The following ZSCAN25 variants were observed in gnomAD, a reference collection of about 807,000 sequenced individuals.
ZSCAN25 encodes the protein zinc finger and SCAN domain-containing protein 25.
ZSCAN25 carries 27 observed loss-of-function variants against 38.7 expected under a neutral mutation model. The observed-to-expected ratio is 0.70, with a 90% confidence interval of 0.51 to 0.96. ZSCAN25 has a LOEUF of 0.96. Ranked by LOEUF, ZSCAN25 falls within the 40% of genes least tolerant of loss-of-function variation. The pLI, the probability that ZSCAN25 is intolerant of heterozygous loss-of-function variation, is 0.00. For missense variants in ZSCAN25, 637 were observed against 705.9 expected, an observed-to-expected ratio of 0.90 and a Z score of 1.11; for synonymous variants, 273 against 277.7, an observed-to-expected ratio of 0.98 and a Z score of 0.17.
At chr7:99,698,481 C>G in the ZSCAN25 span, among the ~76,000 whole-genome samples, 1 of 152,142 alleles carries the variant, frequency 6.6e-6, no homozygotes, top group Non-Finnish European at 1.5e-5. Flanking sequence ...TCATCACTAG[C>G]TCACAGTATT....
the ZSCAN25 span, among the ~76,000 whole-genome samples, chr7:99,735,574 C>A: frequency 1.3e-5 from 2 of 152,124 alleles, no homozygotes; most frequent in Non-Finnish European, 1.5e-5. Context: ...TGTGCCTGTG[C>A]CCCCTAGAAG....
chr7:99,682,094 G>A, the ZSCAN25 span, among the ~76,000 whole-genome samples: 1 of 152,114 alleles, frequency 6.6e-6, no homozygotes, highest in Non-Finnish European at 1.5e-5. Flanking sequence ...TCAGCCTTCT[G>A]TGTAGCTGGG....
At chr7:99,638,335 G>A in the ZSCAN25 span, 1 of 1,605,268 alleles carries the variant, frequency 6.2e-7, no homozygotes, top group Non-Finnish European at 8.5e-7. Context: ...TTCCTGTCCT[G>A]AATCCAGGTC....
At chr7:99,719,735 A>G in the ZSCAN25 span, among the ~76,000 whole-genome samples, 7 of 152,324 alleles carry the variant, frequency 4.6e-5, no homozygotes, top group Non-Finnish European at 7.4e-5. Flanking sequence ...CATCTTGATC[A>G]TGCTGGTCAT....
chr7:99,685,135 G>A, the ZSCAN25 span: 6 of 1,580,834 alleles, frequency 3.8e-6, no homozygotes, highest in Admixed American at 8.4e-5. Context: ...AGTCCTTAGG[G>A]AAATTCAGGT....
chr7:99,667,884 T>TA, the ZSCAN25 span, among the ~76,000 whole-genome samples: 1 of 152,090 alleles, frequency 6.6e-6, no homozygotes, highest in Non-Finnish European at 1.5e-5. Context: ...CAAGAAGAAC[T>TA]AAAAAATGCC....
chr7:99,730,966 G>T, the ZSCAN25 span: 1 of 1,507,538 alleles, frequency 6.6e-7, no homozygotes, highest in Non-Finnish European at 9.1e-7. Flanking sequence ...TAAAATCTCA[G>T]ACCTTCCTCT....
chr7:99,663,885 TA>T, the ZSCAN25 span: 1 of 1,465,442 alleles, frequency 6.8e-7, no homozygotes. Flanking sequence ...TTTTTAAAAA[TA>T]CAGATACATG....
At chr7:99,637,338 TTAATC>T (rs145018256), downstream of ZSCAN25, among the ~76,000 whole-genome samples, 6,268 of 152,262 alleles carry the variant, frequency 0.041, 155 homozygotes, top group Admixed American at 0.053. Context: ...CTACAAATAT[TTAATC>T]TATGTGTGGT....
At position 99,630,825 on chromosome 7, in the gene ZSCAN25, A is replaced by T. The variant is rs866101444; in HGVS notation, c.*805A>T. 4.7e-5 allele frequency: 46 copies of T among 985,314 alleles called. No individual in the cohort carries two copies. In the African/African-American group the frequency reaches 7.3e-4, roughly 16 times the overall value. 61.0% of individuals were successfully genotyped at this position (985,314 alleles called of 1,614,324 possible). ...TTAGGAAGTTAGTATTTTGCTATTG[A>T]TCACTGAATAAACATCAGAGTATTT... On this transcript the variant is annotated 3_prime_UTR_variant, in exon 8 of 8. Coordinates refer to ENST00000394152, the MANE Select transcript of ZSCAN25 (RefSeq NM_145115.3).
the ZSCAN25 span, chr7:99,660,522 T>C: frequency 6.2e-7 from 1 of 1,613,062 alleles, no homozygotes; most frequent in Non-Finnish European, 8.5e-7. Flanking sequence ...ACTGCATCAA[T>C]CTCCTTTTGC....
chr7:99,655,819 G>T, the ZSCAN25 span, among the ~76,000 whole-genome samples: 1 of 152,066 alleles, frequency 6.6e-6, no homozygotes, highest in Non-Finnish European at 1.5e-5. Context: ...GAATTCCTAG[G>T]TATTTTATTG....
the ZSCAN25 span, among the ~76,000 whole-genome samples, chr7:99,680,655 T>A: frequency 6.6e-6 from 1 of 152,308 alleles, no homozygotes; most frequent in Admixed American, 6.5e-5. Context: ...GTGAGATTGC[T>A]GGGCGTCTCA....
chr7:99,657,402 T>G, the ZSCAN25 span, among the ~76,000 whole-genome samples: 4 of 152,208 alleles, frequency 2.6e-5, no homozygotes, highest in Non-Finnish European at 4.4e-5. Flanking sequence ...TTTGAGTGAG[T>G]TTCTGAATCC....
the ZSCAN25 span, among the ~76,000 whole-genome samples, chr7:99,731,692 G>T: frequency 6.6e-6 from 1 of 152,170 alleles, no homozygotes; most frequent in Admixed American, 6.6e-5. Flanking sequence ...TCTAAGCTCT[G>T]ACCCTGTTTT....
At chr7:99,690,998 G>A in the ZSCAN25 span, among the ~76,000 whole-genome samples, 2 of 152,152 alleles carry the variant, frequency 1.3e-5, no homozygotes, top group Non-Finnish European at 2.9e-5. Context: ...GCACACTTAT[G>A]TTTATTGTGG....
the ZSCAN25 span, among the ~76,000 whole-genome samples, chr7:99,733,217 G>C: frequency 2.6e-5 from 4 of 152,278 alleles, no homozygotes; most frequent in East Asian, 7.7e-4. Context: ...ACTAATCTCT[G>C]CTTCTAAACT....
chr7:99,631,011 A>G lies in ZSCAN25; in HGVS notation c.*991A>G, dbSNP rs1412701736. The G allele has an allele frequency of 2.1e-6, 2 of 952,694 alleles. No individual in the cohort carries two copies. The highest frequency in any genetic ancestry group is 2.5e-6 in the Non-Finnish European group (2 of 800,402). The allele number at this position is 952,694 out of a possible 1,614,324, so 59.0% of individuals were successfully genotyped here. The stretch of plus-strand genomic sequence containing the variant: ...TCCCAAGTATTTATTGAGGCCCTGT[A>G]ACAAACATGTCAGGAACTCTTCTGG... On this transcript the variant is annotated 3_prime_UTR_variant, in exon 8 of 8. Transcript: ENST00000394152.
the ZSCAN25 span, chr7:99,715,559 T>C: frequency 1.1e-6 from 1 of 907,006 alleles, no homozygotes; most frequent in Non-Finnish European, 1.6e-6. Flanking sequence ...AGGGGGTTGA[T>C]AGCTAAACAT....
Sources: allele counts gnomAD v4.1 joint callset (sites outside exome capture counted in the v4.1 genomes callset), GRCh38; gene constraint gnomAD v4.1.1; transcripts MANE v1.5; gene names NCBI Gene and HGNC (gene_info 2026-07-23, HGNC 2026-07-21).